MAP3K5: variants seen among roughly 807,000 people sequenced by gnomAD.
MAP3K5 encodes ASK-1.
Under a neutral mutation model 158.7 loss-of-function variants are expected in MAP3K5, and 56 were observed. The observed-to-expected ratio is 0.35, with a 90% CI of 0.28 to 0.44. The LOEUF (loss-of-function observed/expected upper bound fraction) is 0.44. Ranked by LOEUF, MAP3K5 falls within the 20% of genes least tolerant of loss-of-function variation. The pLI, the probability that MAP3K5 is intolerant of heterozygous loss-of-function variation, is 1.00. For synonymous variants in MAP3K5, 579 were observed against 601.7 expected (o/e 0.96, Z 0.55); for missense variants, 1,294 against 1,674.8 (o/e 0.77, Z 3.97).
chr6:136,644,505 G>A (rs372018095), intron 11 of MAP3K5, among the ~76,000 whole-genome samples: 8 of 152,180 alleles, frequency 5.3e-5, no homozygotes, highest in Non-Finnish European at 7.3e-5. Context: ...TTCTAGGAAC[G>A]GGTTAGCCTC....
At chr6:136,766,168 C>A (rs983386718) in intron 1 of MAP3K5, among the ~76,000 whole-genome samples, 1 of 152,222 alleles carries the variant, frequency 6.6e-6, no homozygotes, top group African/African-American at 2.4e-5. Context: ...ACTTCCCACC[C>A]TGGGGAGAAG....
At chr6:136,646,000 TA>T (rs1778236718) in intron 11 of MAP3K5, among the ~76,000 whole-genome samples, 1 of 152,214 alleles carries the variant, frequency 6.6e-6, no homozygotes, top group Non-Finnish European at 1.5e-5. Flanking sequence ...TGTTTTAAAG[TA>T]ACATGGTAAT....
At chr6:136,646,176 A>G (rs1778245827) in intron 11 of MAP3K5, among the ~76,000 whole-genome samples, 2 of 152,226 alleles carry the variant, frequency 1.3e-5, no homozygotes, top group Admixed American at 6.5e-5. Flanking sequence ...AGAAAGCTTC[A>G]ATTTTTGAAC....
intron 1 of MAP3K5, among the ~76,000 whole-genome samples, chr6:136,745,253 C>G (rs148261529): frequency 0.012 from 1,783 of 147,476 alleles, 30 homozygotes; most frequent in African/African-American, 0.043. Context: ...GACTATTTTT[C>G]CCTTTCCTAT....
chr6:136,629,005 A>G (rs1038875215), intron 14 of MAP3K5, among the ~76,000 whole-genome samples: 1 of 152,236 alleles, frequency 6.6e-6, no homozygotes, highest in Non-Finnish European at 1.5e-5. Flanking sequence ...TTTGCATTCT[A>G]TTTCTATGGT....
At chr6:136,788,640 T>C (rs1784942013) in intron 1 of MAP3K5, among the ~76,000 whole-genome samples, 1 of 152,106 alleles carries the variant, frequency 6.6e-6, no homozygotes, top group African/African-American at 2.4e-5. Context: ...CCAACAAACT[T>C]ATGAAAAAAT....
intron 1 of MAP3K5, among the ~76,000 whole-genome samples, chr6:136,770,313 C>A (rs906685956): frequency 6.6e-6 from 1 of 151,792 alleles, no homozygotes. Flanking sequence ...CAATTCTGGG[C>A]AAAGTAGAAA....
intron 18 of MAP3K5, among the ~76,000 whole-genome samples, chr6:136,610,846 C>T (rs112483474): frequency 0.012 from 1,757 of 152,034 alleles, 34 homozygotes; most frequent in African/African-American, 0.041. Context: ...CAGTGGCTCA[C>T]GCCTGTAATC....
At chr6:136,600,078 C>T (rs1775807547) in intron 21 of MAP3K5, among the ~76,000 whole-genome samples, 1 of 152,068 alleles carries the variant, frequency 6.6e-6, no homozygotes, top group African/African-American at 2.4e-5. Flanking sequence ...GAGGAACCTG[C>T]AAAAACCTGC....
At chr6:136,779,964 T>A (rs1729186622) in intron 1 of MAP3K5, among the ~76,000 whole-genome samples, 1 of 152,160 alleles carries the variant, frequency 6.6e-6, no homozygotes, top group Admixed American at 6.5e-5. Flanking sequence ...AGACAACAGG[T>A]CCTTTAAGTC....
At position 136,658,309 on chromosome 6, in the gene MAP3K5, C is replaced by CTTTTT. The variant is rs1352808549; in HGVS notation, c.1526+909_1526+910insAAAAA. Among the ~76,000 whole-genome samples the CTTTTT allele has an allele frequency of 2.4e-3, 185 of 75,644 alleles. 4 individuals are homozygous for CTTTTT. Among genetic ancestry groups the CTTTTT allele is most frequent in the African/African-American group, 6.8e-3 (170 of 25,032 alleles). 49.6% of individuals were successfully genotyped at this position (75,644 alleles called of 152,430 possible). A position where few individuals can be genotyped will look rare whatever the true frequency, so the allele number is the denominator to read the frequency against. On this transcript the variant is annotated intron_variant, in intron 9 of 29. Coordinates refer to ENST00000359015, the MANE Select transcript of MAP3K5 (RefSeq NM_005923.4). ...TTCTTTTTCTTTTCTTTCTTTCTTT[C>CTTTTT]TTTCTTTTTTTTTTTTTTTTTTTGA...
At chr6:136,787,855 T>C (rs1457359443) in intron 1 of MAP3K5, among the ~76,000 whole-genome samples, 1 of 152,210 alleles carries the variant, frequency 6.6e-6, no homozygotes, top group Non-Finnish European at 1.5e-5. Flanking sequence ...CAAGTACAGG[T>C]CATGGGTGTA....
intron 21 of MAP3K5, among the ~76,000 whole-genome samples, chr6:136,595,890 G>T (rs554102610): frequency 6.6e-6 from 1 of 152,202 alleles, no homozygotes; most frequent in African/African-American, 2.4e-5. Context: ...TGTGCCTGTA[G>T]TGACAGCTAC....
intron 8 of MAP3K5, among the ~76,000 whole-genome samples, chr6:136,662,689 T>C (rs192145730): frequency 3.3e-5 from 5 of 152,364 alleles, no homozygotes; most frequent in African/African-American, 7.2e-5. Flanking sequence ...AGTACTGTTA[T>C]ACTTGGTTCC....
intron 6 of MAP3K5, among the ~76,000 whole-genome samples, chr6:136,695,241 G>A (rs1186907977): frequency 1.4e-4 from 22 of 152,022 alleles, no homozygotes; most frequent in Admixed American, 1.4e-3. Context: ...AGGTTCAAGC[G>A]ATTCTCCTGC....
At chr6:136,578,822 AGGGTT>A (rs1388010084) in intron 25 of MAP3K5, among the ~76,000 whole-genome samples, 1 of 152,138 alleles carries the variant, frequency 6.6e-6, no homozygotes, top group African/African-American at 2.4e-5. Context: ...ACAACTCAGA[AGGGTT>A]GGCCTGAACT....
At chr6:136,697,178 C>T (rs1780635657) in intron 5 of MAP3K5, 41 bp downstream of exon 5, 1 of 1,567,964 alleles carries the variant, frequency 6.4e-7, no homozygotes, top group African/African-American at 1.4e-5. Flanking sequence ...ATCCCTCCAA[C>T]ATGCTACACA....
chr6:136,573,644 C>T (rs1245751950), intron 25 of MAP3K5, among the ~76,000 whole-genome samples: 1 of 152,038 alleles, frequency 6.6e-6, no homozygotes, highest in African/African-American at 2.4e-5. Context: ...GGGAGGGGAG[C>T]CTTGGCTTGA....
At chr6:136,753,407 G>A (rs1043224233) in intron 1 of MAP3K5, among the ~76,000 whole-genome samples, 9 of 152,118 alleles carry the variant, frequency 5.9e-5, no homozygotes, top group African/African-American at 2.2e-4. Flanking sequence ...GAATGGTAAG[G>A]ATGGGGCATG....
Sources: allele counts gnomAD v4.1 joint callset (sites outside exome capture counted in the v4.1 genomes callset), GRCh38; gene constraint gnomAD v4.1.1; transcripts MANE v1.5; gene names NCBI Gene and HGNC (gene_info 2026-07-23, HGNC 2026-07-21).